AKAP13: variants seen among roughly 807,000 people sequenced by gnomAD.
The protein encoded by AKAP13 is A-kinase anchor protein 13.
In AKAP13, 80 loss-of-function variants were observed where a neutral mutation model predicts 264.5. The observed-to-expected ratio is 0.30, with a 90% CI of 0.25 to 0.36. AKAP13 has a LOEUF of 0.36. Among genes scored for constraint, AKAP13 ranks in the 10% least tolerant of loss-of-function variants. The probability of loss-of-function intolerance (pLI) is 1.00; values close to 1 mark genes in which losing one functional copy is unlikely to be tolerated. For missense variants in AKAP13, 3,712 were observed against 3,435.2 expected, an observed-to-expected ratio of 1.08 and a Z score of -2.01; for synonymous variants, 1,380 against 1,250.2, an observed-to-expected ratio of 1.10 and a Z score of -2.19.
At position 85,549,562 on chromosome 15, in the gene AKAP13, T is replaced by C. The variant is rs75948061; in HGVS notation, c.662+5607T>C. 2.2e-3 allele frequency among the ~76,000 whole-genome samples: 329 copies of C among 152,330 alleles called. 4 individuals carry two copies. Among genetic ancestry groups the C allele is most frequent in the African/African-American group, 7.5e-3 (313 of 41,578 alleles). ...TATCAACCTCGTGAAATAGGCATTA[T>C]CTGTGTTTTGCGGGAGAAATATGGA... On this transcript the variant is annotated intron_variant, in intron 5 of 36. Transcript: ENST00000394518.
At chr15:85,557,282 C>T (rs79638961) in intron 5 of AKAP13, among the ~76,000 whole-genome samples, 42 of 152,206 alleles carry the variant, frequency 2.8e-4, no homozygotes, top group African/African-American at 9.9e-4. Flanking sequence ...TCTGCAGAAC[C>T]TTGGCCTTGT....
intron 1 of AKAP13, among the ~76,000 whole-genome samples, chr15:85,454,915 C>T (rs370106348): frequency 1.3e-5 from 2 of 152,298 alleles, no homozygotes; most frequent in East Asian, 1.9e-4. Flanking sequence ...CTCGATCTGT[C>T]GTCTTACTGA....
chr15:85,445,014 A>G (rs1159963931), intron 1 of AKAP13, among the ~76,000 whole-genome samples: 1 of 152,142 alleles, frequency 6.6e-6, no homozygotes, highest in Non-Finnish European at 1.5e-5. Flanking sequence ...TAAAGTATAT[A>G]ATACTTTAAA....
intron 1 of AKAP13, among the ~76,000 whole-genome samples, chr15:85,437,573 A>C (rs868421659): frequency 7.2e-5 from 11 of 152,212 alleles, no homozygotes; most frequent in Middle Eastern, 3.4e-3. Flanking sequence ...AATCCTCAAT[A>C]AAATACTGGC....
rs529204676 is a variant in AKAP13, at chr15:85,617,171, A to G, written c.4162-22203A>G. On this transcript the variant is annotated intron_variant, in intron 8 of 36. Transcript: ENST00000394518. ...CTAGAAGTCACAAAATATCTGTTACATTGTTATAAATTATCTGCATGTAAG... is the reference window on the plus strand; with the variant it reads ...CTAGAAGTCACAAAATATCTGTTACGTTGTTATAAATTATCTGCATGTAAG... Among the ~76,000 whole-genome samples the G allele has an allele frequency of 3.3e-5, 5 of 152,316 alleles. No homozygotes were observed. The South Asian group carries it at 8.3e-4, about 25-fold the overall frequency.
chr15:85,558,226 A>G lies in AKAP13; in HGVS notation c.662+14271A>G, dbSNP rs182855319. On this transcript the variant is annotated intron_variant, in intron 5 of 36. Transcript: ENST00000394518. ...ATGAGGGAGAGTAAATCAATGTTAT[A>G]TGTTTCTGCAAAAGCAGCAAATTAC... 1.3e-3 allele frequency among the ~76,000 whole-genome samples: 199 copies of G among 152,358 alleles called. 2 individuals carry two copies. The highest frequency in any genetic ancestry group is 4.4e-3 in the African/African-American group (183 of 41,586).
intron 8 of AKAP13, among the ~76,000 whole-genome samples, chr15:85,625,913 T>C (rs2151432012): frequency 6.6e-6 from 1 of 152,296 alleles, no homozygotes; most frequent in East Asian, 1.9e-4. Flanking sequence ...GATTCTGAAA[T>C]AGGGCAGAAG....
Position 85,664,685 on chromosome 15 carries a change from A to G in AKAP13, c.4922A>G (p.Asp1641Gly), listed in dbSNP as rs1380212773. 6.2e-7 allele frequency: 1 copy of G among 1,614,046 alleles called. No homozygotes were observed. Among genetic ancestry groups the G allele is most frequent in the African/African-American group, 1.3e-5 (1 of 75,004 alleles). ...CCATTCAGTGGTGAGGAACGGGTTG[A>G]CTCTTTGGTGTCACTTTCAGAAGAG... ...RHPFSGEERV[D>G]SLVSLSEEDL... Residue 1641 changes from aspartate to glycine, a missense_variant, in exon 13 of 37, where the codon GAC becomes GGC. This residue lies in a region of AKAP13 where 2,759 missense variants were observed against 2,411.7 expected (regional missense o/e 1.14). Transcript: ENST00000394518.
At chr15:85,679,589 A>G (rs1433390216) in intron 14 of AKAP13, among the ~76,000 whole-genome samples, 1 of 152,348 alleles carries the variant, frequency 6.6e-6, no homozygotes, top group Non-Finnish European at 1.5e-5. Context: ...TGTATTAACT[A>G]GAAAACCACA....
chr15:85,683,796 C>T (rs2084743847), intron 15 of AKAP13, among the ~76,000 whole-genome samples: 1 of 152,158 alleles, frequency 6.6e-6, no homozygotes, highest in South Asian at 2.1e-4. Context: ...GAAAATCAAC[C>T]ATTGCAAATT....
intron 26 of AKAP13, 129 bp from the exon 27 acceptor site, chr15:85,726,281 C>G: frequency 1.6e-6 from 1 of 624,428 alleles, no homozygotes; most frequent in South Asian, 2.3e-5. Context: ...AGTGTGATCT[C>G]AGATCATAGT....
rs2089375748 is a variant in AKAP13, at chr15:85,746,598, A to G, written c.*1921A>G. On this transcript the variant is annotated 3_prime_UTR_variant, in exon 37 of 37. Transcript: ENST00000394518. ...AATACTCACCCTTCAGAAACAGACC[A>G]AAGGCCAAAACCTGCTGATTTTTCT... is the stretch of plus-strand genomic sequence containing the variant. The G allele has an allele frequency of 6.6e-6, 1 of 152,198 alleles. No individual in the cohort carries two copies. The highest frequency in any genetic ancestry group is 1.9e-4 in the East Asian group (1 of 5,192). The allele number at this position is 152,198 out of a possible 1,614,324, so 9.4% of individuals were successfully genotyped here.
chr15:85,490,879 T>C lies in AKAP13; in HGVS notation c.33+5126T>C, dbSNP rs539997307. Among the ~76,000 whole-genome samples the C allele has an allele frequency of 1.9e-3, 296 of 151,994 alleles. 1 individual carries two copies. Among genetic ancestry groups the C allele is most frequent in the Non-Finnish European group, 3.4e-3 (234 of 67,988 alleles). On this transcript the variant is annotated intron_variant, in intron 2 of 36. Coordinates refer to ENST00000394518, the MANE Select transcript of AKAP13 (RefSeq NM_007200.5). ...TCTATGAAAATAAATGAAATGGCGA[T>C]GTGATTGTGCCTGACCAGGGGCTGT...
chr15:85,692,442 A>C lies in AKAP13; in HGVS notation c.5290-835A>C, dbSNP rs558474525. ...AAATGAGAAAACTAAGGCTCAGAGA[A>C]ATAATTTACCTAGGGTCACGCTATT... On this transcript the variant is annotated intron_variant, in intron 16 of 36. Coordinates refer to ENST00000394518, the MANE Select transcript of AKAP13 (RefSeq NM_007200.5). Among the ~76,000 whole-genome samples, 13 of 152,242 alleles carry C rather than the reference A, an allele frequency of 8.5e-5. No individual in the cohort carries two copies. The East Asian group carries it at 2.5e-3, about 29-fold the overall frequency.
intron 30 of AKAP13, among the ~76,000 whole-genome samples, chr15:85,733,553 G>A (rs183308575): frequency 6.6e-6 from 1 of 152,190 alleles, no homozygotes; most frequent in East Asian, 1.9e-4. Flanking sequence ...TATTTTCCCT[G>A]TTCCCTTTGC....
At chr15:85,584,165 G>A (rs569163302) in intron 7 of AKAP13, among the ~76,000 whole-genome samples, 1 of 152,270 alleles carries the variant, frequency 6.6e-6, no homozygotes, top group East Asian at 1.9e-4. Context: ...ACTGTTTTGT[G>A]AGTGAGAAGA....
intron 23 of AKAP13, among the ~76,000 whole-genome samples, chr15:85,721,355 C>A (rs1280192956): frequency 6.6e-6 from 1 of 152,156 alleles, no homozygotes; most frequent in East Asian, 1.9e-4. Flanking sequence ...TGGTAAGGAT[C>A]AATTTGTGTT....
intron 4 of AKAP13, among the ~76,000 whole-genome samples, chr15:85,543,025 T>G (rs1268920109): frequency 6.6e-6 from 1 of 152,208 alleles, no homozygotes; most frequent in African/African-American, 2.4e-5. Flanking sequence ...CTACAAGCCC[T>G]TCCTCATTCT....
At chr15:85,697,296 C>T (rs569796003) in intron 17 of AKAP13, among the ~76,000 whole-genome samples, 6 of 152,172 alleles carry the variant, frequency 3.9e-5, no homozygotes, top group East Asian at 1.9e-4. Context: ...AGGGGCCGGG[C>T]GCAGTGGCTC....
Sources: gnomAD v4.1 joint callset for allele counts (sites outside exome capture counted in the v4.1 genomes callset) on GRCh38, gnomAD v4.1.1 for gene constraint, gnomAD v4.1.1 regional missense constraint, MANE v1.5 for transcripts, NCBI Gene and HGNC (gene_info 2026-07-23, HGNC 2026-07-21) for gene names.